The following ADK variants were observed in gnomAD, a reference collection of about 807,000 sequenced individuals.
ADK encodes the protein adenosine kinase.
ADK carries 24 observed loss-of-function variants against 44.7 expected under a neutral mutation model. That is an observed-to-expected ratio of 0.54 (90% CI 0.39 to 0.76). The LOEUF (loss-of-function observed/expected upper bound fraction) is 0.76. ADK is among the 30% of genes least tolerant of loss of function. The pLI, the probability that ADK is intolerant of heterozygous loss-of-function variation, is 0.00. For synonymous variants in ADK, 128 were observed against 142.6 expected (o/e 0.90, Z 0.73); for missense variants, 321 against 425.1 (o/e 0.76, Z 2.15).
chr10:74,477,713 A>G (rs542534020), intron 6 of ADK, among the ~76,000 whole-genome samples: 11 of 152,184 alleles, frequency 7.2e-5, no homozygotes, highest in East Asian at 3.9e-4. Flanking sequence ...TCCCTCTCCC[A>G]ATTACTCTAT....
chr10:74,169,818 A>AT (rs1842114959), intron 1 of ADK, among the ~76,000 whole-genome samples: 1 of 152,222 alleles, frequency 6.6e-6, no homozygotes, highest in Non-Finnish European at 1.5e-5. Flanking sequence ...AAAAAATTCA[A>AT]TATGTTTTGA....
intron 1 of ADK, among the ~76,000 whole-genome samples, chr10:74,183,460 G>C (rs1349997985): frequency 6.6e-6 from 1 of 152,094 alleles, no homozygotes; most frequent in African/African-American, 2.4e-5. Context: ...TGTAGTCCCA[G>C]CTACTTCAGA....
chr10:74,690,576 C>A (rs1340406743), intron 10 of ADK, among the ~76,000 whole-genome samples: 1 of 152,196 alleles, frequency 6.6e-6, no homozygotes, highest in Non-Finnish European at 1.5e-5. Flanking sequence ...CCCAACTCAG[C>A]TGACCTTTGA....
intron 7 of ADK, among the ~76,000 whole-genome samples, chr10:74,533,498 A>G (rs965459162): frequency 6.6e-6 from 1 of 152,244 alleles, no homozygotes; most frequent in African/African-American, 2.4e-5. Context: ...TTTTTCAACA[A>G]TGTTTCAGAG....
intron 9 of ADK, among the ~76,000 whole-genome samples, chr10:74,642,244 A>G (rs1380770966): frequency 6.6e-6 from 1 of 152,130 alleles, no homozygotes; most frequent in Non-Finnish European, 1.5e-5. Flanking sequence ...ATTTTCTGAG[A>G]TCATTTTATT....
chr10:74,190,097 C>T (rs1842910333), intron 1 of ADK, among the ~76,000 whole-genome samples: 1 of 152,138 alleles, frequency 6.6e-6, no homozygotes, highest in Non-Finnish European at 1.5e-5. Context: ...TCTATTTCCC[C>T]TAAGGGTAGA....
chr10:74,676,152 T>C (rs908431662), intron 10 of ADK, among the ~76,000 whole-genome samples: 2 of 152,100 alleles, frequency 1.3e-5, no homozygotes, highest in African/African-American at 4.8e-5. Context: ...TGTTTTGAGA[T>C]GGAGTCTTGC....
intron 6 of ADK, among the ~76,000 whole-genome samples, chr10:74,435,588 C>T (rs1712044907): frequency 1.3e-5 from 2 of 152,044 alleles, no homozygotes; most frequent in Admixed American, 1.3e-4. Flanking sequence ...GCTCTTTGAA[C>T]ACCAAGTACA....
chr10:74,291,575 G>A (rs1847438688), intron 3 of ADK, among the ~76,000 whole-genome samples: 1 of 152,082 alleles, frequency 6.6e-6, no homozygotes, highest in South Asian at 2.1e-4. Flanking sequence ...TATGCAGGAT[G>A]TACAGCAGTG....
chr10:74,276,240 A>G (rs1846672879), intron 3 of ADK, among the ~76,000 whole-genome samples: 1 of 152,046 alleles, frequency 6.6e-6, no homozygotes, highest in Non-Finnish European at 1.5e-5. Context: ...ATAAAACCCA[A>G]CCTATCCTTC....
intron 6 of ADK, among the ~76,000 whole-genome samples, chr10:74,462,243 A>G (rs1301127078): frequency 1.3e-5 from 2 of 152,016 alleles, no homozygotes; most frequent in Admixed American, 6.5e-5. Context: ...GTTTCTCTGA[A>G]TTATTGACCT....
intron 4 of ADK, among the ~76,000 whole-genome samples, chr10:74,393,715 G>A (rs1307063417): frequency 6.6e-6 from 1 of 152,188 alleles, no homozygotes; most frequent in Non-Finnish European, 1.5e-5. Flanking sequence ...GAAATGTTAA[G>A]AGATATGCTC....
intron 6 of ADK, among the ~76,000 whole-genome samples, chr10:74,407,144 A>T (rs1178426329): frequency 6.6e-6 from 1 of 151,758 alleles, no homozygotes; most frequent in South Asian, 2.1e-4. Flanking sequence ...TTCTCTAGAG[A>T]CAGGTTTTGC....
intron 9 of ADK, among the ~76,000 whole-genome samples, chr10:74,626,546 A>G (rs1014810321): frequency 6.6e-6 from 1 of 151,954 alleles, no homozygotes; most frequent in Admixed American, 6.6e-5. Context: ...CAAGTGATCC[A>G]CCTGCCTCAG....
intron 6 of ADK, among the ~76,000 whole-genome samples, chr10:74,437,808 A>G (rs1306134279): frequency 6.6e-6 from 1 of 152,206 alleles, no homozygotes; most frequent in Non-Finnish European, 1.5e-5. Context: ...ACTTTCTGCC[A>G]TGGTGTATAA....
intron 9 of ADK, chr10:74,661,258 CTATT>C: frequency 2.1e-6 from 2 of 932,210 alleles, no homozygotes; most frequent in Non-Finnish European, 2.6e-6. Flanking sequence ...GAATCAAAAT[CTATT>C]TATTCCATCA....
At chr10:74,376,131 A>G (rs1592122518) in intron 4 of ADK, among the ~76,000 whole-genome samples, 1 of 152,034 alleles carries the variant, frequency 6.6e-6, no homozygotes, top group Non-Finnish European at 1.5e-5. Flanking sequence ...ATTAGTACCA[A>G]ATTGTTTCTA....
chr10:74,585,068 T>G (rs1851486950), intron 7 of ADK, among the ~76,000 whole-genome samples: 1 of 152,234 alleles, frequency 6.6e-6, no homozygotes, highest in South Asian at 2.1e-4. Context: ...ATCTGAGGAT[T>G]GTGCTTTTTA....
chr10:74,195,595 C>T (rs1843101771), intron 1 of ADK, among the ~76,000 whole-genome samples: 1 of 152,054 alleles, frequency 6.6e-6, no homozygotes, highest in Non-Finnish European at 1.5e-5. Context: ...GCGATCCTCC[C>T]ACCTCAGCCT....
Sources: allele counts gnomAD v4.1 joint callset (sites outside exome capture counted in the v4.1 genomes callset), GRCh38; gene constraint gnomAD v4.1.1; transcripts MANE v1.5; gene names NCBI Gene and HGNC (gene_info 2026-07-23, HGNC 2026-07-21).